The following UGT8 variants were observed in gnomAD, a reference collection of about 807,000 sequenced individuals.
UGT8 encodes the protein 2-hydroxyacylsphingosine 1-beta-galactosyltransferase.
In UGT8, 12 loss-of-function variants were observed where a neutral mutation model predicts 40.5. That is an observed-to-expected ratio of 0.30 (90% CI 0.19 to 0.48). The LOEUF is 0.48. Among genes scored for constraint, UGT8 ranks in the 20% least tolerant of loss-of-function variants. The probability of loss-of-function intolerance (pLI) is 0.99; values close to 1 mark genes in which losing one functional copy is unlikely to be tolerated. For missense variants in UGT8, 513 were observed against 648.7 expected (o/e 0.79, Z 2.27); for synonymous variants, 224 against 240.4 (o/e 0.93, Z 0.63).
At position 114,644,586 on chromosome 4, in the gene UGT8, T is replaced by C. The variant is rs574651948; in HGVS notation, c.823-19409T>C. On this transcript the variant is annotated intron_variant, in intron 2 of 5. Coordinates refer to ENST00000310836, the MANE Select transcript of UGT8 (RefSeq NM_001128174.3). ...TTGGACCTCTTGAGGTAGGCACTCA[T>C]TGTCTCCCTGAGGCTGGTATATTAT... Among the ~76,000 whole-genome samples the C allele has an allele frequency of 2.0e-5, 3 of 152,294 alleles. No individual in the cohort carries two copies. In the East Asian group the frequency reaches 5.8e-4, roughly 29 times the overall value.
At chr4:114,624,303 ACT>A (rs1362912834) in intron 2 of UGT8, among the ~76,000 whole-genome samples, 1 of 152,116 alleles carries the variant, frequency 6.6e-6, no homozygotes, top group African/African-American at 2.4e-5. Context: ...ACTTTAAGAA[ACT>A]CTGTTCTCTA....
At chr4:114,647,874 T>G (rs6841433) in intron 2 of UGT8, among the ~76,000 whole-genome samples, 28,259 of 152,144 alleles carry the variant, frequency 0.19, 2,833 homozygotes, top group Middle Eastern at 0.23. Context: ...ATCCTCTTAT[T>G]GCTTTGTCCT....
intron 1 of UGT8, among the ~76,000 whole-genome samples, chr4:114,606,336 C>A (rs1730727838): frequency 6.6e-6 from 1 of 152,116 alleles, no homozygotes; most frequent in Non-Finnish European, 1.5e-5. Context: ...GAGAGCTGTT[C>A]TAAGACTAGG....
chr4:114,615,377 T>C (rs1731341632), intron 1 of UGT8, among the ~76,000 whole-genome samples: 1 of 152,084 alleles, frequency 6.6e-6, no homozygotes, highest in South Asian at 2.1e-4. Context: ...GTCAAAGCAA[T>C]AGGGTGACCA....
chr4:114,670,467 A>G (rs1249467380), intron 5 of UGT8, among the ~76,000 whole-genome samples: 2 of 148,322 alleles, frequency 1.3e-5, no homozygotes, highest in African/African-American at 5.0e-5. Flanking sequence ...CTTATCCACT[A>G]TGATCAAGTT....
At chr4:114,651,297 A>G (rs1733882660) in intron 2 of UGT8, among the ~76,000 whole-genome samples, 1 of 152,128 alleles carries the variant, frequency 6.6e-6, no homozygotes, top group Admixed American at 6.6e-5. Context: ...GTTTGACTTG[A>G]AAAGACTTGA....
intron 2 of UGT8, among the ~76,000 whole-genome samples, chr4:114,662,942 G>T (rs1056965226): frequency 6.7e-6 from 1 of 148,330 alleles, no homozygotes; most frequent in South Asian, 2.2e-4. Context: ...TCAGCCTCTC[G>T]AGTAGCTGGG....
chr4:114,637,227 A>G (rs1344810399), intron 2 of UGT8, among the ~76,000 whole-genome samples: 1 of 152,158 alleles, frequency 6.6e-6, no homozygotes, highest in African/African-American at 2.4e-5. Context: ...TTTCATCTGC[A>G]TCTCACATCT....
At chr4:114,666,295 G>T (rs1192239919) in intron 4 of UGT8, among the ~76,000 whole-genome samples, 1 of 152,032 alleles carries the variant, frequency 6.6e-6, no homozygotes, top group Non-Finnish European at 1.5e-5. Context: ...GGGCATTTTT[G>T]AAGCATTTTA....
chr4:114,604,572 A>G (rs1339296945), intron 1 of UGT8, among the ~76,000 whole-genome samples: 1 of 151,870 alleles, frequency 6.6e-6, no homozygotes, highest in Non-Finnish European at 1.5e-5. Context: ...AGATTAATAA[A>G]CATTTTAAAT....
At position 114,637,746 on chromosome 4, in the gene UGT8, A is replaced by G. The variant is rs1006395617; in HGVS notation, c.822+14044A>G. Among the ~76,000 whole-genome samples the G allele has an allele frequency of 2.0e-5, 3 of 152,350 alleles. No homozygotes were observed. The East Asian group carries it at 5.8e-4, about 29-fold the overall frequency. ...AATTTATTCCAATTATATACCTGCTAAACAGCTTGGTTATTTTATTTCCAA... is the reference window on the plus strand; with the variant it reads ...AATTTATTCCAATTATATACCTGCTGAACAGCTTGGTTATTTTATTTCCAA... On this transcript the variant is annotated intron_variant, in intron 2 of 5. Transcript: ENST00000310836.
At chr4:114,651,432 C>G (rs1298301888) in intron 2 of UGT8, among the ~76,000 whole-genome samples, 1 of 152,036 alleles carries the variant, frequency 6.6e-6, no homozygotes, top group Non-Finnish European at 1.5e-5. Context: ...AGAAGTCTCA[C>G]ATGTCATTTT....
rs1329075502 is a variant in UGT8, at chr4:114,676,007, G to A, written c.1345G>A (p.Asp449Asn). The change falls in exon 6 of 6, where the codon GAT (aspartate) becomes AAT (asparagine). Residue 449 changes from aspartate to asparagine, a missense_variant. Physicochemically the swap from Asp to Asn is conservative, Grantham distance 23. Transcript: ENST00000310836. ...HPVNRTIYWIDYIIRHNGAHH... is the reference protein window; with the variant it reads ...HPVNRTIYWINYIIRHNGAHH... ...TGTCAATCGAACTATCTATTGGATAGATTATATTATTCGTCACAATGGAGC... is the reference window on the plus strand; with the variant it reads ...TGTCAATCGAACTATCTATTGGATAAATTATATTATTCGTCACAATGGAGC... The A allele has an allele frequency of 6.2e-7, 1 of 1,614,174 alleles. No individual in the cohort carries two copies. Among genetic ancestry groups the A allele is most frequent in the East Asian group, 2.2e-5 (1 of 44,876 alleles).
chr4:114,671,657 C>T (rs1007449357), intron 5 of UGT8, among the ~76,000 whole-genome samples: 112 of 152,278 alleles, frequency 7.4e-4, no homozygotes, highest in African/African-American at 2.6e-3. Context: ...CTTCCTTACA[C>T]TTTATACAAA....
intron 1 of UGT8, among the ~76,000 whole-genome samples, chr4:114,619,885 T>C (rs1251506556): frequency 6.6e-6 from 1 of 151,810 alleles, no homozygotes; most frequent in Non-Finnish European, 1.5e-5. Context: ...ATTTGATATG[T>C]CTGCATATTT....
rs115907114 is a variant in UGT8, at chr4:114,663,214, G to C, written c.823-781G>C. Among the ~76,000 whole-genome samples, 1,101 of 152,184 alleles carry C rather than the reference G, an allele frequency of 7.2e-3. 16 individuals carry two copies. The highest frequency in any genetic ancestry group is 0.025 in the African/African-American group (1,020 of 41,532). ...AAATGCAGAAGCATGGCTGACACAG[G>C]CATGGCAATAACTCTTCCTGAGCTA... On this transcript the variant is annotated intron_variant, in intron 2 of 5. Coordinates refer to ENST00000310836, the MANE Select transcript of UGT8 (RefSeq NM_001128174.3).
chr4:114,672,861 C>T (rs1735386933), intron 5 of UGT8, among the ~76,000 whole-genome samples: 1 of 152,202 alleles, frequency 6.6e-6, no homozygotes, highest in Admixed American at 6.5e-5. Context: ...TAAAATTACA[C>T]ATCTTACGTC....
chr4:114,646,792 C>A (rs1193990168), intron 2 of UGT8, among the ~76,000 whole-genome samples: 1 of 152,132 alleles, frequency 6.6e-6, no homozygotes, highest in Admixed American at 6.5e-5. Flanking sequence ...CTAGAAATGA[C>A]AATATTTTTT....
chr4:114,645,080 T>C (rs1274855627), intron 2 of UGT8, among the ~76,000 whole-genome samples: 5 of 152,116 alleles, frequency 3.3e-5, no homozygotes, highest in African/African-American at 9.7e-5. Flanking sequence ...TTGGAAAATA[T>C]AAGGAAACTT....
Sources: allele counts gnomAD v4.1 joint callset (sites outside exome capture counted in the v4.1 genomes callset), GRCh38; gene constraint gnomAD v4.1.1; transcripts MANE v1.5; gene names NCBI Gene and HGNC (gene_info 2026-07-23, HGNC 2026-07-21).